SPG7: variants seen among roughly 807,000 people sequenced by gnomAD.
SPG7 encodes the protein mitochondrial inner membrane m-AAA protease component paraplegin.
Under a neutral mutation model 81.9 loss-of-function variants are expected in SPG7, and 103 were observed. The ratio of observed to expected loss-of-function variants is 1.26; its 90% CI spans 1.07 to 1.48. SPG7 has a LOEUF of 1.48. Ranked by LOEUF, SPG7 falls within the 40% of genes most tolerant of loss-of-function variation. SPG7 has a pLI of 0.00. For missense variants in SPG7, 1,241 were observed against 1,087.3 expected (o/e 1.14, Z -1.99); for synonymous variants, 534 against 444.2 (o/e 1.20, Z -2.54).
At position 89,529,543 on chromosome 16, in the gene SPG7, C is replaced by G. The variant is rs745444790; in HGVS notation, c.825C>G (p.Ala275=). The change falls in exon 6 of 17, where the codon GCC becomes GCG. Residue 275 remains alanine (A), a synonymous_variant. Transcript: ENST00000645818. Reference sequence around the variant, plus strand: ...TCCTGTGGTATGTTTTCCGTCTGGCCGGGATGACTGGAAGGGAAGGTGGAT... The same window carrying G: ...TCCTGTGGTATGTTTTCCGTCTGGCGGGGATGACTGGAAGGGAAGGTGGAT... ...LAILWYVFRL[A]GMTGREGGFS... 7.4e-6 allele frequency: 12 copies of G among 1,613,890 alleles called. No homozygotes were observed. The highest frequency in any genetic ancestry group is 1.0e-5 in the Non-Finnish European group (12 of 1,179,842).
In SPG7 at chr16:89,530,726, T is replaced by C. The variant is rs759714565; in HGVS notation, c.905T>C (p.Met302Thr). The C allele has an allele frequency of 4.3e-6, 7 of 1,613,998 alleles. No homozygotes were observed. Among genetic ancestry groups the C allele is most frequent in the Admixed American group, 1.7e-5 (1 of 59,998 alleles). ...MARFTIVDGK[M>T]GKGVSFKDVA... ...CGTTTCACCATTGTGGATGGGAAGA[T>C]GGGGAAAGGAGTCAGCTTCAAAGAC... Residue 302 changes from methionine (M) to threonine (T), a missense_variant, in exon 7 of 17, where the codon ATG becomes ACG. By Grantham distance (81) the Met-to-Thr change is moderately conservative. Transcript: ENST00000645818.
At chr16:89,523,296 T>C in intron 3 of SPG7, 1 of 239,972 alleles carries the variant, frequency 4.2e-6, no homozygotes, top group Non-Finnish European at 8.4e-6. Context: ...TGTGATAACC[T>C]ACAACTTTCT....
At chr16:89,526,617 T>G in intron 5 of SPG7, 149 bp downstream of exon 5, 8 of 737,340 alleles carry the variant, frequency 1.1e-5, no homozygotes, top group East Asian at 5.7e-5. Context: ...TAGAAGTGAA[T>G]GATACAATGC....
chr16:89,525,038 C>T (rs190885104), intron 4 of SPG7, among the ~76,000 whole-genome samples: 10 of 146,526 alleles, frequency 6.8e-5, no homozygotes, highest in African/African-American at 2.0e-4. Flanking sequence ...CGGCTCACTG[C>T]AGCCTTGATC....
chr16:89,515,998 C>T (rs572733274), intron 3 of SPG7, among the ~76,000 whole-genome samples: 7 of 151,672 alleles, frequency 4.6e-5, no homozygotes, highest in South Asian at 2.1e-4. Context: ...TGTGAGCCAC[C>T]GTGCCCAGCC....
In SPG7 at chr16:89,554,518, A is replaced by G. The variant is rs745783109; in HGVS notation, c.2136A>G (p.Arg712=). The stretch of plus-strand genomic sequence containing the variant: ...GACTGCTGGTGGCCAAGGCCTACAG[A>G]CACACCGAGAAGGTGCTGCAGGACA... ...EARLLVAKAY[R]HTEKVLQDNL... The change falls in exon 16 of 17, where the codon AGA becomes AGG. Residue 712 remains arginine, a synonymous_variant. Transcript: ENST00000645818. The G allele has an allele frequency of 1.1e-5, 17 of 1,609,500 alleles. No homozygotes were observed. In the South Asian group the frequency reaches 1.9e-4, roughly 18 times the overall value.
At chr16:89,549,400 C>T (rs1211407255) in intron 12 of SPG7, 3 of 368,572 alleles carry the variant, frequency 8.1e-6, no homozygotes, top group Non-Finnish European at 1.6e-5. Flanking sequence ...TGGCTCATGC[C>T]TGTAATCCCA....
At position 89,523,804 on chromosome 16, in the gene SPG7, A is replaced by G. The variant is rs559778342; in HGVS notation, c.377-202A>G. On this transcript the variant is annotated intron_variant, in intron 3 of 16. Transcript: ENST00000645818. The stretch of plus-strand genomic sequence containing the variant: ...CTCCTCACTGAAGTGACCTCAGCGA[A>G]TGAAGTGTGGGTGACCTCGAACAGC... 79 of 733,282 alleles carry G rather than the reference A, an allele frequency of 1.1e-4. No homozygotes were observed. The African/African-American group carries it at 1.2e-3, about 11-fold the overall frequency. 45.4% of individuals were successfully genotyped at this position (733,282 alleles called of 1,614,324 possible).
intron 12 of SPG7, chr16:89,548,899 C>T (rs1181181360): frequency 2.2e-6 from 1 of 452,046 alleles, no homozygotes; most frequent in Non-Finnish European, 4.4e-6. Flanking sequence ...GCACGAGCCT[C>T]CTTTGCGAGC....
Position 89,508,566 on chromosome 16 carries a change from G to A in SPG7, c.149G>A (p.Gly50Glu). ...CCGTACATGGCCAGCAGGCCTCCGG[G>A]GGACCTCGCCGAGGCTGGAGGCCGA... ...GRPYMASRPP[G>E]DLAEAGGRAL... Residue 50 changes from glycine to glutamate, a missense_variant, in exon 1 of 17, where the codon GGG (glycine) becomes GAG (glutamate). Coordinates refer to ENST00000645818, the MANE Select transcript of SPG7 (RefSeq NM_003119.4). 2 of 1,494,774 alleles carry A rather than the reference G, an allele frequency of 1.3e-6. No individual in the cohort carries two copies. The highest frequency in any genetic ancestry group is 1.5e-5 in the African/African-American group (1 of 68,520). 92.6% of individuals were successfully genotyped at this position (1,494,774 alleles called of 1,614,324 possible). A position where few individuals can be genotyped will look rare whatever the true frequency, so the allele number is the denominator to read the frequency against.
In SPG7 at chr16:89,545,176, G is replaced by A. The variant is rs935626141; in HGVS notation, c.1449+404G>A. 10 of 346,144 alleles carry A rather than the reference G, an allele frequency of 2.9e-5. 1 individual carries two copies. The highest frequency in any genetic ancestry group is 1.2e-4 in the Admixed American group (3 of 25,562). The allele number at this position is 346,144 out of a possible 1,614,324, so 21.4% of individuals were successfully genotyped here. ...TGTGTGGCATCACTTCCTTCCATCC[G>A]TAGCGTGGGCTCTGGGGACGTGGAC... On this transcript the variant is annotated intron_variant, in intron 10 of 16. Coordinates refer to ENST00000645818, the MANE Select transcript of SPG7 (RefSeq NM_003119.4).
At chr16:89,522,368 A>G (rs1272573932) in intron 3 of SPG7, 1 of 152,270 alleles carries the variant, frequency 6.6e-6, no homozygotes, top group Non-Finnish European at 1.5e-5. Context: ...AAGCCCCCGC[A>G]AGACAATGCA....
At position 89,508,748 on chromosome 16, in the gene SPG7, G is replaced by A. The variant is rs561096900; in HGVS notation, c.183+148G>A. The A allele has an allele frequency of 9.9e-6, 9 of 912,116 alleles. No homozygotes were observed. The African/African-American group carries it at 1.3e-4, about 13-fold the overall frequency. 56.5% of individuals were successfully genotyped at this position (912,116 alleles called of 1,614,324 possible). A position where few individuals can be genotyped will look rare whatever the true frequency, so the allele number is the denominator to read the frequency against. On this transcript the variant is annotated intron_variant, in intron 1 of 16. Transcript: ENST00000645818. ...GCGGATCCCCCAGCTGTGGACCTCG[G>A]CGCGGAGCGACTGTTGGGGCCCTGG...
At chr16:89,544,001 C>G (rs375847230) in intron 9 of SPG7, 1 of 162,742 alleles carries the variant, frequency 6.1e-6, no homozygotes, top group Admixed American at 5.6e-5. Context: ...GCTCTGAGTA[C>G]GTTTCTTTAA....
chr16:89,543,564 C>T (rs943497720), intron 9 of SPG7: 1 of 149,248 alleles, frequency 6.7e-6, no homozygotes, highest in Non-Finnish European at 1.5e-5. Flanking sequence ...TCTAGAACTT[C>T]TGACCTCAGG....
At chr16:89,531,739 A>T (rs1268013831) in intron 7 of SPG7, 165 bp from the exon 8 acceptor site, 12 of 692,924 alleles carry the variant, frequency 1.7e-5, no homozygotes, top group Non-Finnish European at 1.8e-5. Flanking sequence ...GCTACTCGAG[A>T]GGCTGAGGTG....
At chr16:89,554,816 T>G (rs1040535741) in intron 16 of SPG7, 1 of 477,094 alleles carries the variant, frequency 2.1e-6, no homozygotes, top group African/African-American at 1.9e-5. Flanking sequence ...CATTAGCAAT[T>G]ACCAATGTTT....
chr16:89,529,602 C>A, intron 6 of SPG7, 23 bp downstream of exon 6: 1 of 1,512,890 alleles, frequency 6.6e-7, no homozygotes, highest in African/African-American at 1.4e-5. Flanking sequence ...AATCAGAGCT[C>A]TCTGAACTCT....
intron 1 of SPG7, 88 bp downstream of exon 1, chr16:89,508,688 G>C: frequency 7.7e-7 from 1 of 1,306,760 alleles, no homozygotes; most frequent in Non-Finnish European, 1.0e-6. Context: ...AGGCCGCCTG[G>C]CCCCTGCGGC....
Sources: gnomAD v4.1 joint callset for allele counts (sites outside exome capture counted in the v4.1 genomes callset) on GRCh38, gnomAD v4.1.1 for gene constraint, MANE v1.5 for transcripts, NCBI Gene and HGNC (gene_info 2026-07-23, HGNC 2026-07-21) for gene names.